The following MTCL1 variants were observed in gnomAD, a reference collection of about 807,000 sequenced individuals.
MTCL1 encodes microtubule crosslinking factor 1.
MTCL1 carries 79 observed loss-of-function variants against 141.4 expected under a neutral mutation model. The observed-to-expected ratio is 0.56, with a 90% CI of 0.47 to 0.67. The LOEUF is 0.67. MTCL1 is among the 30% of genes least tolerant of loss of function. MTCL1 has a pLI of 0.00. For synonymous variants in MTCL1, 914 were observed against 875.8 expected (o/e 1.04, Z -0.77); for missense variants, 2,177 against 2,113.9 (o/e 1.03, Z -0.59).
exon 17 of MTCL1, chr18:8,831,796 C>A: frequency 6.5e-7 from 1 of 1,550,148 alleles, no homozygotes. Flanking sequence ...GCAGCCACAC[C>A]GAGATGCAAG....
intron 4 of MTCL1, among the ~76,000 whole-genome samples, chr18:8,739,570 G>A (rs527401238): frequency 6.6e-6 from 1 of 152,308 alleles, no homozygotes; most frequent in Admixed American, 6.5e-5. Flanking sequence ...AGAGGTCAGA[G>A]TAATTGAGAA....
exon 6 of MTCL1, chr18:8,783,856 G>A (rs1370258288): frequency 5.6e-6 from 9 of 1,612,918 alleles, no homozygotes; most frequent in Non-Finnish European, 6.8e-6. Flanking sequence ...AGCAGGAGCG[G>A]GAGGGCCCGG....
At chr18:8,764,559 C>G (rs910642301) in intron 4 of MTCL1, among the ~76,000 whole-genome samples, 21 of 152,228 alleles carry the variant, frequency 1.4e-4, no homozygotes, top group African/African-American at 4.8e-4. Context: ...CTCAGGTGAC[C>G]CACCTGCCTC....
At chr18:8,706,829 C>G in intron 1 of MTCL1, 116 bp downstream of exon 1, 2 of 1,461,622 alleles carry the variant, frequency 1.4e-6, no homozygotes, top group Non-Finnish European at 1.8e-6. Context: ...CTCCTGCTCT[C>G]CACGGTCCTA....
At chr18:8,712,574 T>C (rs542794356), upstream of MTCL1, among the ~76,000 whole-genome samples, 1 of 152,336 alleles carries the variant, frequency 6.6e-6, no homozygotes, top group East Asian at 1.9e-4. Flanking sequence ...TATTCCCCAT[T>C]CTTTCCTGAC....
upstream of MTCL1, among the ~76,000 whole-genome samples, chr18:8,716,263 G>A (rs369421227): frequency 1.4e-4 from 22 of 152,294 alleles, 1 homozygote; most frequent in South Asian, 4.4e-3. Flanking sequence ...TTTAACATCT[G>A]TTCTCCTTGG....
Position 8,826,251 on chromosome 18 carries a change from C to G in MTCL1, c.4722+19C>G. 2 of 1,543,370 alleles carry G rather than the reference C, an allele frequency of 1.3e-6. No homozygotes were observed. Among genetic ancestry groups the G allele is most frequent in the Non-Finnish European group, 1.8e-6 (2 of 1,142,584 alleles). On this transcript the variant is annotated intron_variant, in intron 15 of 16. Transcript: ENST00000359865. ...CATGGAGGTAATGAATGCTGAGTGC[C>G]CCACACCCTTCCCCACCAGCTCTTC...
At chr18:8,798,267 G>T in exon 10 of MTCL1, 3 of 1,564,376 alleles carry the variant, frequency 1.9e-6, no homozygotes, top group Non-Finnish European at 2.6e-6. Context: ...TGCAGACCGC[G>T]GACAGGGGAC....
intron 9 of MTCL1, 136 bp from the exon 9 acceptor site, chr18:8,797,961 A>G: frequency 1.2e-6 from 1 of 812,680 alleles, no homozygotes; most frequent in Non-Finnish European, 1.8e-6. Flanking sequence ...CAAAATGAGC[A>G]TTTTAGGGGT....
At position 8,792,659 on chromosome 18, in the gene MTCL1, C is replaced by T. The variant is rs146501954; in HGVS notation, c.1888-339C>T. Among the ~76,000 whole-genome samples, 602 of 152,326 alleles carry T rather than the reference C, an allele frequency of 4.0e-3. 1 individual carries two copies. The highest frequency in any genetic ancestry group is 6.0e-3 in the Non-Finnish European group (406 of 68,032). On this transcript the variant is annotated intron_variant, in intron 7 of 16. Coordinates refer to ENST00000359865, the Ensembl canonical transcript of MTCL1. ...TCATAGTCGGCTCTGACCATCCCGGCGTCCAGAAGCCACTGTGGGAGCAAG... is the reference window on the plus strand; with the variant it reads ...TCATAGTCGGCTCTGACCATCCCGGTGTCCAGAAGCCACTGTGGGAGCAAG...
At chr18:8,786,708 C>T (rs1392809183) in intron 7 of MTCL1, 2 of 237,752 alleles carry the variant, frequency 8.4e-6, no homozygotes, top group Non-Finnish European at 1.7e-5. Flanking sequence ...ATGCGGGTCA[C>T]CCGACCCGGG....
exon 15 of MTCL1, chr18:8,824,927 G>A: frequency 3.1e-6 from 5 of 1,613,768 alleles, no homozygotes; most frequent in Non-Finnish European, 4.2e-6. Context: ...CCGAGGTGGG[G>A]CGGGCAGGGC....
chr18:8,706,535 G>A (rs1245540190), exon 1 of MTCL1: 10 of 1,376,736 alleles, frequency 7.3e-6, no homozygotes, highest in East Asian at 3.1e-5. Flanking sequence ...GTTTCGGGGG[G>A]TTTCGCGGGG....
chr18:8,752,217 A>G (rs2096375264), intron 4 of MTCL1, among the ~76,000 whole-genome samples: 2 of 152,242 alleles, frequency 1.3e-5, no homozygotes, highest in African/African-American at 4.8e-5. Flanking sequence ...CCAGTGTTTT[A>G]AGTTAGAACA....
intron 7 of MTCL1, 47 bp from the exon 7 acceptor site, chr18:8,792,951 C>A: frequency 6.2e-7 from 1 of 1,607,272 alleles, no homozygotes; most frequent in South Asian, 1.1e-5. Context: ...TCACCTCAGG[C>A]AGAGTTCTCA....
At chr18:8,826,117 A>G (rs779560129) in exon 15 of MTCL1, 13 of 1,613,036 alleles carry the variant, frequency 8.1e-6, no homozygotes, top group Non-Finnish European at 1.1e-5. Context: ...ATCCTCAACA[A>G]GAAGCTGCTG....
chr18:8,792,099 A>G (rs1224013281), intron 7 of MTCL1, among the ~76,000 whole-genome samples: 3 of 152,240 alleles, frequency 2.0e-5, no homozygotes, highest in African/African-American at 7.2e-5. Flanking sequence ...GGGACTCAGA[A>G]TGAACCAGTG....
rs935159006 is a variant in MTCL1 at position 8,707,069 on chromosome 18, C to T, written c.1053+356C>T. ...CCCCGCTCAGAACGTGCCAGCCTCA[C>T]CTGTAGGAACAGGTGATCCTTCGCC... is the stretch of plus-strand genomic sequence containing the variant. On this transcript the variant is annotated intron_variant, in intron 1 of 13. Transcript: ENST00000306329. 6 of 197,856 alleles carry T rather than the reference C, an allele frequency of 3.0e-5. No individual in the cohort carries two copies. In the South Asian group the frequency reaches 7.0e-4, roughly 23 times the overall value. 12.3% of individuals were successfully genotyped at this position (197,856 alleles called of 1,614,324 possible).
intron 4 of MTCL1, among the ~76,000 whole-genome samples, chr18:8,760,341 ACCTCAT>A (rs1297130477): frequency 6.6e-6 from 1 of 152,166 alleles, no homozygotes; most frequent in Non-Finnish European, 1.5e-5. Flanking sequence ...AAGAGTCCCC[ACCTCAT>A]ATTGGTGGTA....
Sources: gnomAD v4.1 joint callset for allele counts (sites outside exome capture counted in the v4.1 genomes callset) on GRCh38, gnomAD v4.1.1 for gene constraint, MANE v1.5 for transcripts, NCBI Gene and HGNC (gene_info 2026-07-23, HGNC 2026-07-21) for gene names.